USH2A: variants seen among roughly 807,000 people sequenced by gnomAD.
The protein encoded by USH2A is Usher syndrome 2A (autosomal recessive, mild).
USH2A carries 443 observed loss-of-function variants against 538.9 expected under a neutral mutation model. The observed-to-expected ratio is 0.82, with a 90% CI of 0.76 to 0.89. The LOEUF is 0.89. Ranked by LOEUF, USH2A falls within the 40% of genes least tolerant of loss-of-function variation. USH2A has a pLI of 0.00. For missense variants in USH2A, 6,633 were observed against 6,324.8 expected, an observed-to-expected ratio of 1.05 and a Z score of -1.65; for synonymous variants, 2,413 against 2,273.5, an observed-to-expected ratio of 1.06 and a Z score of -1.75.
intron 3 of USH2A, among the ~76,000 whole-genome samples, chr1:216,381,808 G>A (rs965954007): frequency 2.6e-5 from 4 of 152,114 alleles, no homozygotes; most frequent in Non-Finnish European, 4.4e-5. Flanking sequence ...CAGGATCCAG[G>A]CATAAATAAC....
intron 44 of USH2A, among the ~76,000 whole-genome samples, chr1:215,860,719 T>A (rs1664292691): frequency 6.6e-6 from 1 of 152,176 alleles, no homozygotes; most frequent in South Asian, 2.1e-4. Flanking sequence ...ACAAAAAAAG[T>A]TTGTTGTACT....
At chr1:215,870,476 T>TTTTTC (rs1664598228) in intron 43 of USH2A, among the ~76,000 whole-genome samples, 2 of 149,018 alleles carry the variant, frequency 1.3e-5, no homozygotes, top group African/African-American at 4.9e-5. Context: ...TTTTTTTTTT[T>TTTTTC]AGTAGAGACG....
chr1:216,222,950 C>A (rs1420224186), intron 14 of USH2A, among the ~76,000 whole-genome samples: 1 of 144,660 alleles, frequency 6.9e-6, no homozygotes, highest in Non-Finnish European at 1.5e-5. Context: ...TGCACTCCAG[C>A]CTGGGCAACA....
intron 32 of USH2A, among the ~76,000 whole-genome samples, chr1:216,015,847 A>T (rs1668697011): frequency 6.6e-6 from 1 of 152,220 alleles, no homozygotes; most frequent in Non-Finnish European, 1.5e-5. Context: ...TACTGGGCAT[A>T]TACCCAAAGG....
At chr1:216,010,302 C>T (rs554694411) in intron 32 of USH2A, among the ~76,000 whole-genome samples, 5 of 152,300 alleles carry the variant, frequency 3.3e-5, no homozygotes, top group African/African-American at 9.6e-5. Context: ...ATCTGGCCAC[C>T]AGGCCAGGGA....
chr1:216,326,777 G>A (rs1282012420), intron 5 of USH2A, among the ~76,000 whole-genome samples: 3 of 152,126 alleles, frequency 2.0e-5, no homozygotes. Context: ...ACAAGGGCTA[G>A]TCTTCTCATT....
At chr1:216,078,993 T>C (rs552014512) in intron 26 of USH2A, 1 of 152,216 alleles carries the variant, frequency 6.6e-6, no homozygotes, top group South Asian at 2.1e-4. Context: ...CAAATTTTCA[T>C]AGTAAAAAAT....
chr1:215,970,797 T>C (rs1274971722), intron 35 of USH2A, 21 bp from the exon 36 acceptor site: 4 of 1,611,928 alleles, frequency 2.5e-6, no homozygotes, highest in Non-Finnish European at 3.4e-6. Flanking sequence ...AATAATTGCC[T>C]TTCAGTATGA....
rs749931670 is a variant in USH2A, at chr1:216,200,085, T to C, written c.3353A>G (p.Tyr1118Cys). Residue 1118 changes from tyrosine to cysteine, a missense_variant, in exon 17 of 72, where the codon TAT (tyrosine) becomes TGT (cysteine). Transcript: ENST00000307340. ...QYFLDTDLLP[Y>C]TKYSYYIETT... is the part of the protein sequence containing the mutation. ...CTCAATGTAATAGGAATATTTGGTA[T>C]ATGGTAACAGGTCTGTGTCTAAGAA... 15 of 1,613,150 alleles carry C rather than the reference T, an allele frequency of 9.3e-6. No homozygotes were observed. Among genetic ancestry groups the C allele is most frequent in the African/African-American group, 2.7e-5 (2 of 74,672 alleles).
At chr1:216,074,798 C>T (rs1181174483) in intron 27 of USH2A, among the ~76,000 whole-genome samples, 3 of 152,070 alleles carry the variant, frequency 2.0e-5, no homozygotes, top group East Asian at 1.9e-4. Context: ...CCCTAACTTC[C>T]CTACCAACAA....
At chr1:215,717,856 A>G (rs1278602713) in intron 61 of USH2A, among the ~76,000 whole-genome samples, 1 of 152,198 alleles carries the variant, frequency 6.6e-6, no homozygotes, top group Admixed American at 6.5e-5. Flanking sequence ...AAATACCCTG[A>G]CAATGGAGTG....
chr1:216,308,446 A>G (rs2037358035), intron 9 of USH2A, among the ~76,000 whole-genome samples: 1 of 152,052 alleles, frequency 6.6e-6, no homozygotes, highest in Non-Finnish European at 1.5e-5. Context: ...AAAGTTGCAC[A>G]TGTCTTTACA....
chr1:216,346,946 G>A (rs1259266321), intron 4 of USH2A, among the ~76,000 whole-genome samples: 1 of 151,924 alleles, frequency 6.6e-6, no homozygotes, highest in Non-Finnish European at 1.5e-5. Flanking sequence ...CAAATATTTT[G>A]TCAGAAAAGT....
chr1:216,153,012 TAGTC>T (rs1166797427), intron 21 of USH2A, among the ~76,000 whole-genome samples: 3 of 152,142 alleles, frequency 2.0e-5, no homozygotes, highest in Non-Finnish European at 4.4e-5. Flanking sequence ...CGGCTGGGGT[TAGTC>T]AGAGAGGAGA....
intron 37 of USH2A, among the ~76,000 whole-genome samples, chr1:215,954,723 A>T (rs1208270300): frequency 6.6e-6 from 1 of 151,868 alleles, no homozygotes; most frequent in Non-Finnish European, 1.5e-5. Context: ...ATAATAATAA[A>T]AAAAAACAAT....
At chr1:216,048,713 G>T (rs896004846) in intron 30 of USH2A, 66 bp from the exon 31 acceptor site, 2 of 1,283,044 alleles carry the variant, frequency 1.6e-6, no homozygotes, top group Non-Finnish European at 1.1e-6. Flanking sequence ...AGCATTGTGT[G>T]TATATCTGTG....
intron 55 of USH2A, among the ~76,000 whole-genome samples, chr1:215,779,163 G>T (rs541264334): frequency 6.6e-6 from 1 of 152,190 alleles, no homozygotes; most frequent in Non-Finnish European, 1.5e-5. Flanking sequence ...ACAAAGTGAT[G>T]TGGTGGTGTG....
intron 56 of USH2A, among the ~76,000 whole-genome samples, chr1:215,760,795 TCTC>T (rs747738270): frequency 6.6e-6 from 1 of 152,120 alleles, no homozygotes; most frequent in African/African-American, 2.4e-5. Flanking sequence ...TACTTTCACT[TCTC>T]CTGGTCCAAG....
chr1:216,290,773 C>T (rs181574618), intron 10 of USH2A, among the ~76,000 whole-genome samples: 3 of 152,158 alleles, frequency 2.0e-5, no homozygotes, highest in Non-Finnish European at 2.9e-5. Context: ...GCCATCTCCT[C>T]CCTCATCTCA....
Sources: allele counts gnomAD v4.1 joint callset (sites outside exome capture counted in the v4.1 genomes callset), GRCh38; gene constraint gnomAD v4.1.1; transcripts MANE v1.5; gene names NCBI Gene and HGNC (gene_info 2026-07-23, HGNC 2026-07-21).